OR10J1: variants seen among roughly 807,000 people sequenced by gnomAD.
OR10J1 encodes the protein olfactory receptor 10J1.
For missense variants in OR10J1, 474 were observed against 376.6 expected (o/e 1.26, Z -2.14); for synonymous variants, 202 against 143.8 (o/e 1.40, Z -2.89).
chr1:159,406,213 A>C, the OR10J1 span: 6 of 525,432 alleles, frequency 1.1e-5, no homozygotes, highest in Admixed American at 1.2e-4. Context: ...GTGAATGTCC[A>C]GGCGAGTAAT....
At chr1:159,409,063 T>C in the OR10J1 span, among the ~76,000 whole-genome samples, 2 of 152,072 alleles carry the variant, frequency 1.3e-5, no homozygotes, top group Admixed American at 6.6e-5. Context: ...CTTCCTAGTA[T>C]TGTGTGAGCT....
chr1:159,427,019 T>C, the OR10J1 span, among the ~76,000 whole-genome samples: 1 of 152,032 alleles, frequency 6.6e-6, no homozygotes, highest in Non-Finnish European at 1.5e-5. Context: ...TATCTAAGGT[T>C]ATGTAGTTAG....
At chr1:159,415,124 A>G in the OR10J1 span, among the ~76,000 whole-genome samples, 1 of 151,840 alleles carries the variant, frequency 6.6e-6, no homozygotes, top group Non-Finnish European at 1.5e-5. Context: ...TGCGATCTTC[A>G]TTATACATAA....
At chr1:159,399,570 C>CAAAAAAAA in the OR10J1 span, among the ~76,000 whole-genome samples, 127 of 56,022 alleles carry the variant, frequency 2.3e-3, no homozygotes, top group East Asian at 3.3e-3. Context: ...GATTCTGTCT[C>CAAAAAAAA]AAAAAAAAAA....
the OR10J1 span, among the ~76,000 whole-genome samples, chr1:159,422,059 G>A: frequency 2.0e-5 from 3 of 152,170 alleles, no homozygotes; most frequent in Non-Finnish European, 4.4e-5. Context: ...GCACATTCAT[G>A]TGATGCTATC....
the OR10J1 span, among the ~76,000 whole-genome samples, chr1:159,419,046 T>C: frequency 6.6e-6 from 1 of 152,218 alleles, no homozygotes; most frequent in African/African-American, 2.4e-5. Context: ...AACCCCATTG[T>C]ACCTAGGAAG....
chr1:159,412,244 T>C, the OR10J1 span, among the ~76,000 whole-genome samples: 1 of 151,698 alleles, frequency 6.6e-6, no homozygotes, highest in South Asian at 2.1e-4. Flanking sequence ...ATCAATATCG[T>C]GAAAAAGGCC....
upstream of OR10J1, among the ~76,000 whole-genome samples, chr1:159,433,340 T>C (rs1655640257): frequency 6.6e-6 from 1 of 152,136 alleles, no homozygotes. Context: ...AAGTCAGATA[T>C]ATGGGTTTAC....
chr1:159,406,808 A>G, the OR10J1 span, among the ~76,000 whole-genome samples: 32 of 152,130 alleles, frequency 2.1e-4, no homozygotes, highest in Admixed American at 2.0e-3. Context: ...GGTTTAATCC[A>G]TTCATTTCCA....
chr1:159,438,392 C>A (rs1421511798), upstream of OR10J1, among the ~76,000 whole-genome samples: 2 of 152,152 alleles, frequency 1.3e-5, no homozygotes. Context: ...CGTGAATGGC[C>A]AAGAGCTTCT....
At chr1:159,424,032 T>C in the OR10J1 span, among the ~76,000 whole-genome samples, 1 of 152,064 alleles carries the variant, frequency 6.6e-6, no homozygotes, top group East Asian at 1.9e-4. Context: ...CTGGCCAAGA[T>C]GGTGAAATCC....
chr1:159,411,832 G>A, the OR10J1 span, among the ~76,000 whole-genome samples: 1 of 152,030 alleles, frequency 6.6e-6, no homozygotes, highest in Admixed American at 6.6e-5. Flanking sequence ...GGAAGTTCTG[G>A]CCAGGGCAGT....
Position 159,440,174 on chromosome 1 carries a change from A to G in OR10J1, c.383A>G (p.Asn128Ser). Reference protein sequence around the residue: ...MGYDRYVAICNPLRYMVIMNK... With the variant: ...MGYDRYVAICSPLRYMVIMNK... The stretch of plus-strand genomic sequence containing the variant: ...TATGACCGCTATGTGGCCATCTGCA[A>G]CCCCCTGAGATACATGGTTATTATG... Residue 128 changes from asparagine to serine, a missense_variant, in exon 1 of 1, where the codon AAC becomes AGC. Coordinates refer to ENST00000423932, the MANE Select transcript of OR10J1 (RefSeq NM_012351.3). 3.1e-6 allele frequency: 5 copies of G among 1,613,954 alleles called. No individual in the cohort carries two copies. Among genetic ancestry groups the G allele is most frequent in the Non-Finnish European group, 4.2e-6 (5 of 1,179,994 alleles).
the OR10J1 span, among the ~76,000 whole-genome samples, chr1:159,402,222 C>T: frequency 6.6e-6 from 1 of 152,026 alleles, no homozygotes; most frequent in Non-Finnish European, 1.5e-5. Context: ...CCACTTTCAT[C>T]ACTGTTATTC....
chr1:159,431,687 A>G, the OR10J1 span, among the ~76,000 whole-genome samples: 1 of 152,334 alleles, frequency 6.6e-6, no homozygotes, highest in Admixed American at 6.5e-5. Flanking sequence ...TTTATACTTC[A>G]AGTACCTATA....
the OR10J1 span, among the ~76,000 whole-genome samples, chr1:159,416,773 G>A: frequency 6.6e-6 from 1 of 151,958 alleles, no homozygotes; most frequent in Non-Finnish European, 1.5e-5. Flanking sequence ...TTATAAGTGT[G>A]TTCAAGTTTT....
the OR10J1 span, among the ~76,000 whole-genome samples, chr1:159,426,971 A>G: frequency 6.6e-6 from 1 of 151,912 alleles, no homozygotes; most frequent in African/African-American, 2.4e-5. Flanking sequence ...TCCTCTCAGT[A>G]TACAAATAAA....
chr1:159,403,800 G>A, the OR10J1 span, among the ~76,000 whole-genome samples: 1 of 152,072 alleles, frequency 6.6e-6, no homozygotes, highest in Non-Finnish European at 1.5e-5. Context: ...GTATACTGAA[G>A]AGATTGTACT....
the OR10J1 span, among the ~76,000 whole-genome samples, chr1:159,425,475 T>A: frequency 6.6e-6 from 1 of 152,114 alleles, no homozygotes; most frequent in Non-Finnish European, 1.5e-5. Flanking sequence ...TCTCATGTAT[T>A]TGACTGTATC....
Sources: allele counts gnomAD v4.1 joint callset (sites outside exome capture counted in the v4.1 genomes callset), GRCh38; gene constraint gnomAD v4.1.1; transcripts MANE v1.5; gene names NCBI Gene and HGNC (gene_info 2026-07-23, HGNC 2026-07-21).